Variants in TTC27 observed in about 807,000 individuals in gnomAD.
TTC27 encodes the protein tetratricopeptide repeat domain 27, also known as tetratricopeptide repeat protein 27.
In TTC27, 79 loss-of-function variants were observed where a neutral mutation model predicts 115.9. The observed-to-expected ratio is 0.68, with a 90% CI of 0.57 to 0.82. The LOEUF is 0.82. Ranked by LOEUF, TTC27 falls within the 40% of genes least tolerant of loss-of-function variation. The pLI is 0.00. For missense variants in TTC27, 1,054 were observed against 993.1 expected, an observed-to-expected ratio of 1.06 and a Z score of -0.82; for synonymous variants, 401 against 356.0, an observed-to-expected ratio of 1.13 and a Z score of -1.42.
At chr2:32,646,449 C>T (rs1038066333) in intron 4 of TTC27, among the ~76,000 whole-genome samples, 1 of 151,940 alleles carries the variant, frequency 6.6e-6, no homozygotes, top group Non-Finnish European at 1.5e-5. Context: ...GATTAACAGG[C>T]ATAAGCTACT....
chr2:32,655,807 T>G (rs1045265938), intron 5 of TTC27, among the ~76,000 whole-genome samples: 1 of 152,146 alleles, frequency 6.6e-6, no homozygotes, highest in Non-Finnish European at 1.5e-5. Flanking sequence ...AATCTTATAT[T>G]CTGTCACTTT....
intron 19 of TTC27, among the ~76,000 whole-genome samples, chr2:32,819,599 T>C (rs1251890055): frequency 6.6e-6 from 1 of 152,200 alleles, no homozygotes; most frequent in Admixed American, 6.5e-5. Context: ...TCAGGTCTTT[T>C]CTTGCCAGGC....
intron 18 of TTC27, among the ~76,000 whole-genome samples, chr2:32,816,153 T>A (rs1385359320): frequency 6.6e-6 from 1 of 151,836 alleles, no homozygotes; most frequent in South Asian, 2.1e-4. Context: ...ACCAAAAAAT[T>A]AAAAAATTAA....
intron 1 of TTC27, among the ~76,000 whole-genome samples, chr2:32,629,270 C>T (rs1280324374): frequency 6.6e-6 from 1 of 151,382 alleles, no homozygotes; most frequent in Non-Finnish European, 1.5e-5. Context: ...TACAGGCATG[C>T]ACCACCATGC....
chr2:32,629,119 A>G (rs2063537562), intron 1 of TTC27, among the ~76,000 whole-genome samples: 1 of 150,874 alleles, frequency 6.6e-6, no homozygotes, highest in Admixed American at 6.6e-5. Context: ...AAAATGAGGC[A>G]GCAAAGTTGT....
At chr2:32,638,939 T>A (rs1664529243) in intron 3 of TTC27, among the ~76,000 whole-genome samples, 1 of 151,906 alleles carries the variant, frequency 6.6e-6, no homozygotes, top group South Asian at 2.1e-4. Flanking sequence ...TTCACAACAT[T>A]CTCCTGCCTC....
intron 14 of TTC27, chr2:32,780,218 C>G: frequency 5.9e-6 from 2 of 341,278 alleles, no homozygotes; most frequent in South Asian, 4.7e-5. Flanking sequence ...CCCAAAAGAC[C>G]TTATATTGAA....
chr2:32,716,113 CG>C (rs1319903939), intron 10 of TTC27, among the ~76,000 whole-genome samples: 7 of 152,112 alleles, frequency 4.6e-5, no homozygotes, highest in Admixed American at 6.6e-5. Context: ...TCTTTCTATG[CG>C]TAAGCATAAA....
intron 12 of TTC27, among the ~76,000 whole-genome samples, chr2:32,738,493 T>G (rs1668520847): frequency 6.6e-6 from 1 of 152,212 alleles, no homozygotes; most frequent in African/African-American, 2.4e-5. Flanking sequence ...CATCTTCCAT[T>G]TGCTCTAATT....
At chr2:32,661,118 A>G (rs114464775) in intron 5 of TTC27, among the ~76,000 whole-genome samples, 1 of 151,942 alleles carries the variant, frequency 6.6e-6, no homozygotes, top group Non-Finnish European at 1.5e-5. Context: ...ACTCTGTTTC[A>G]TTGGTCTATA....
In TTC27 at chr2:32,785,537, G is replaced by A. The variant is rs1246694526; in HGVS notation, c.1833-1447G>A. 2.6e-5 allele frequency among the ~76,000 whole-genome samples: 4 copies of A among 151,970 alleles called. No homozygotes were observed. The East Asian group carries it at 7.7e-4, about 29-fold the overall frequency. On this transcript the variant is annotated intron_variant, in intron 15 of 19. Coordinates refer to ENST00000317907, the MANE Select transcript of TTC27 (RefSeq NM_017735.5). ...GAACTCCTTACTATTATCTTCCAAT[G>A]CATCAGTTTCTCCTTGACTATGTGC... is the stretch of plus-strand genomic sequence containing the variant.
At chr2:32,775,897 G>T (rs992140089) in intron 13 of TTC27, among the ~76,000 whole-genome samples, 2 of 152,094 alleles carry the variant, frequency 1.3e-5, no homozygotes, top group Non-Finnish European at 2.9e-5. Context: ...TTACATGTTA[G>T]CATCAGACTT....
intron 1 of TTC27, among the ~76,000 whole-genome samples, chr2:32,629,355 G>A (rs879874198): frequency 4.3e-4 from 66 of 151,846 alleles, no homozygotes; most frequent in Admixed American, 4.3e-3. Context: ...CCTGACCTCA[G>A]GTGATCCACC....
At position 32,672,301 on chromosome 2, in the gene TTC27, G is replaced by A; in HGVS notation, c.969G>A (p.Leu323=). 1 of 1,613,738 alleles carries A rather than the reference G, an allele frequency of 6.2e-7. No homozygotes were observed. The highest frequency in any genetic ancestry group is 8.5e-7 in the Non-Finnish European group (1 of 1,179,760). ...KNLELNDDTI[L]NDIKLADCEQ... is the part of the protein sequence containing the mutation. ...TTGAGCTCAATGATGACACCATTCT[G>A]AATGACATAAAGTTAGCAGATTGTG... Residue 323 remains leucine, a synonymous_variant, in exon 8 of 20, where the codon CTG becomes CTA. Coordinates refer to ENST00000317907, the MANE Select transcript of TTC27 (RefSeq NM_017735.5).
Position 32,650,220 on chromosome 2 carries a change from CTGT to C in TTC27, c.628_630del (p.Cys210del). ...CTCTGCTTTTTACTCTTGCCGAAAA[CTGT>C]ATTGATCAAGGTATGTAGCAGATTT... On this transcript the variant is annotated inframe_deletion, in exon 5 of 20. Transcript: ENST00000317907. 1.2e-6 allele frequency: 2 copies of C among 1,613,626 alleles called. No individual in the cohort carries two copies. The highest frequency in any genetic ancestry group is 1.7e-6 in the Non-Finnish European group (2 of 1,179,784).
At chr2:32,672,931 G>A (rs1666062955) in intron 8 of TTC27, among the ~76,000 whole-genome samples, 1 of 152,086 alleles carries the variant, frequency 6.6e-6, no homozygotes, top group Non-Finnish European at 1.5e-5. Context: ...TCACAATACA[G>A]CTATCAAAAT....
chr2:32,717,795 T>C (rs1391583517), intron 10 of TTC27, among the ~76,000 whole-genome samples: 2 of 152,188 alleles, frequency 1.3e-5, no homozygotes, highest in African/African-American at 4.8e-5. Flanking sequence ...TTTCTGTTCT[T>C]CTTGTTTTGA....
intron 9 of TTC27, among the ~76,000 whole-genome samples, chr2:32,695,906 A>AAAAAT (rs111384969): frequency 0.13 from 19,042 of 149,170 alleles, 1,669 homozygotes; most frequent in Middle Eastern, 0.28. Flanking sequence ...CTCCATCTCA[A>AAAAAT]AAAATAAAAT....
At chr2:32,736,589 A>G in intron 11 of TTC27, 105 bp from the exon 12 acceptor site, 1 of 1,202,264 alleles carries the variant, frequency 8.3e-7, no homozygotes, top group Non-Finnish European at 1.2e-6. Context: ...TACATTTATT[A>G]CAATAAGCAG....
Sources: allele counts gnomAD v4.1 joint callset (sites outside exome capture counted in the v4.1 genomes callset), GRCh38; gene constraint gnomAD v4.1.1; transcripts MANE v1.5; gene names NCBI Gene and HGNC (gene_info 2026-07-23, HGNC 2026-07-21).